Variants in CACNA1D observed in about 807,000 individuals in gnomAD.
CACNA1D encodes calcium voltage-gated channel subunit alpha1 D.
Under a neutral mutation model 257.1 loss-of-function variants are expected in CACNA1D, and 55 were observed. The observed-to-expected ratio is 0.21, with a 90% CI of 0.17 to 0.27. The LOEUF is 0.27. Ranked by LOEUF, CACNA1D falls within the 10% of genes least tolerant of loss-of-function variation. The probability of loss-of-function intolerance (pLI) is 1.00; values close to 1 mark genes in which losing one functional copy is unlikely to be tolerated. For missense variants in CACNA1D, 1,876 were observed against 2,784.0 expected (o/e 0.67, Z 7.34); for synonymous variants, 980 against 1,014.9 (o/e 0.97, Z 0.65).
intron 29 of CACNA1D, among the ~76,000 whole-genome samples, chr3:53,761,538 G>C (rs2095302316): frequency 6.6e-6 from 1 of 152,208 alleles, no homozygotes; most frequent in African/African-American, 2.4e-5. Flanking sequence ...GAGCATTGCT[G>C]GCCCATTTGA....
At chr3:53,652,100 T>A (rs1369629718) in intron 4 of CACNA1D, among the ~76,000 whole-genome samples, 1 of 152,144 alleles carries the variant, frequency 6.6e-6, no homozygotes, top group Non-Finnish European at 1.5e-5. Context: ...GTAGCAGATA[T>A]GTGCCGTACT....
At chr3:53,595,150 A>G (rs758793732) in intron 3 of CACNA1D, among the ~76,000 whole-genome samples, 37 of 152,202 alleles carry the variant, frequency 2.4e-4, no homozygotes, top group Non-Finnish European at 4.4e-4. Context: ...CACAACTCTT[A>G]TAAACAGCTG....
At chr3:53,731,408 T>G (rs544331949) in intron 17 of CACNA1D, among the ~76,000 whole-genome samples, 1 of 152,356 alleles carries the variant, frequency 6.6e-6, no homozygotes, top group South Asian at 2.1e-4. Flanking sequence ...GTTTTCTTTA[T>G]TGGAATTGTG....
Position 53,751,127 on chromosome 3 carries a change from G to A in CACNA1D, c.3517-622G>A, listed in dbSNP as rs1176027268. ...TGAAATGAACACAACAAGCTCCCCA[G>A]CCCAGAAGCTCCCCGATGGACATGT... On this transcript the variant is annotated intron_variant, in intron 27 of 47. Coordinates refer to ENST00000350061, the MANE Select transcript of CACNA1D (RefSeq NM_001128840.3). The surrounding 1 kb of genome is among the most constrained non-coding windows in gnomAD (Gnocchi z 4.3). Among the ~76,000 whole-genome samples, 1 of 152,202 alleles carries A rather than the reference G, an allele frequency of 6.6e-6. No homozygotes were observed. The highest frequency in any genetic ancestry group is 1.5e-5 in the Non-Finnish European group (1 of 68,038).
intron 20 of CACNA1D, among the ~76,000 whole-genome samples, chr3:53,739,009 T>C (rs1195187102): frequency 2.0e-5 from 3 of 152,110 alleles, no homozygotes; most frequent in Non-Finnish European, 2.9e-5. Context: ...ACAGAAGTGG[T>C]CCCACAGAAT....
intron 20 of CACNA1D, among the ~76,000 whole-genome samples, chr3:53,737,721 G>A (rs981536362): frequency 1.3e-5 from 2 of 152,228 alleles, no homozygotes; most frequent in African/African-American, 2.4e-5. Flanking sequence ...TATGCAGGAG[G>A]CTGAGGCAGG....
chr3:53,616,631 C>G (rs1418959218), intron 3 of CACNA1D, among the ~76,000 whole-genome samples: 1 of 152,138 alleles, frequency 6.6e-6, no homozygotes, highest in Non-Finnish European at 1.5e-5. Flanking sequence ...CTATGCCTTC[C>G]CTGTTTTTGT....
chr3:53,563,208 A>G (rs951981959), intron 3 of CACNA1D, among the ~76,000 whole-genome samples: 3 of 152,104 alleles, frequency 2.0e-5, no homozygotes, highest in African/African-American at 7.2e-5. Context: ...CCCCTCCCAC[A>G]GGGATGACCA....
intron 8 of CACNA1D, among the ~76,000 whole-genome samples, chr3:53,692,312 TA>T (rs1382500000): frequency 6.6e-6 from 1 of 151,992 alleles, no homozygotes; most frequent in Non-Finnish European, 1.5e-5. Flanking sequence ...GACTCTAAGG[TA>T]GAGAAAAGTC....
At chr3:53,759,453 A>G (rs1469406758) in intron 29 of CACNA1D, among the ~76,000 whole-genome samples, 2 of 152,266 alleles carry the variant, frequency 1.3e-5, no homozygotes, top group Non-Finnish European at 2.9e-5. Flanking sequence ...CGCACACGGT[A>G]CAAATGCAGG....
At chr3:53,684,153 C>T (rs1039293595) in intron 8 of CACNA1D, among the ~76,000 whole-genome samples, 15 of 152,204 alleles carry the variant, frequency 9.9e-5, no homozygotes, top group Non-Finnish European at 1.3e-4. Flanking sequence ...AAAGGAAAAA[C>T]GATTCTGTAT....
intron 3 of CACNA1D, among the ~76,000 whole-genome samples, chr3:53,575,575 G>T (rs1055264925): frequency 1.3e-5 from 2 of 152,158 alleles, no homozygotes; most frequent in African/African-American, 2.4e-5. Context: ...GTGTGGCCAT[G>T]GTGCACAACA....
intron 45 of CACNA1D, among the ~76,000 whole-genome samples, chr3:53,806,390 C>G (rs1229893098): frequency 2.0e-5 from 3 of 152,164 alleles, no homozygotes; most frequent in Admixed American, 2.0e-4. Flanking sequence ...GGGGCTGGGG[C>G]TGGCTGCTTC....
intron 32 of CACNA1D, among the ~76,000 whole-genome samples, chr3:53,772,266 G>A (rs1242458322): frequency 1.3e-5 from 2 of 152,266 alleles, no homozygotes; most frequent in South Asian, 4.1e-4. Context: ...TCTTAAGAGA[G>A]GTATTTTGCA....
intron 2 of CACNA1D, among the ~76,000 whole-genome samples, chr3:53,498,693 A>G (rs2090452866): frequency 6.6e-6 from 1 of 152,206 alleles, no homozygotes; most frequent in South Asian, 2.1e-4. Context: ...TTGAGGATCT[A>G]GCTCGGCAGC....
intron 3 of CACNA1D, among the ~76,000 whole-genome samples, chr3:53,503,814 C>T (rs1388356102): frequency 1.3e-5 from 2 of 151,210 alleles, no homozygotes; most frequent in Non-Finnish European, 2.9e-5. Context: ...TTTGGTGGGC[C>T]TTTCTAAAAG....
intron 47 of CACNA1D, among the ~76,000 whole-genome samples, chr3:53,810,850 C>T (rs139222040): frequency 1.0e-3 from 157 of 150,884 alleles, no homozygotes; most frequent in African/African-American, 3.4e-3. Context: ...GGTGCTGTTC[C>T]GGCATATGTT....
At chr3:53,698,551 G>C (rs2094592840) in intron 8 of CACNA1D, among the ~76,000 whole-genome samples, 1 of 152,178 alleles carries the variant, frequency 6.6e-6, no homozygotes, top group South Asian at 2.1e-4. Context: ...ATCACTTTCA[G>C]TTTAGGGGTA....
intron 3 of CACNA1D, among the ~76,000 whole-genome samples, chr3:53,586,147 A>G (rs2093211726): frequency 6.6e-6 from 1 of 152,202 alleles, no homozygotes; most frequent in Admixed American, 6.5e-5. Flanking sequence ...TCCCAGTGAC[A>G]TGGCTGGATG....
Sources: gnomAD v4.1 joint callset for allele counts (sites outside exome capture counted in the v4.1 genomes callset) on GRCh38, gnomAD v4.1.1 for gene constraint, Gnocchi (gnomAD v3.1) non-coding constraint, MANE v1.5 for transcripts, NCBI Gene and HGNC (gene_info 2026-07-23, HGNC 2026-07-21) for gene names.